FER1L6: variants seen among roughly 807,000 people sequenced by gnomAD.
The protein encoded by FER1L6 is fer-1-like protein 6.
In FER1L6, 177 loss-of-function variants were observed where a neutral mutation model predicts 219.2. The ratio of observed to expected loss-of-function variants is 0.81; its 90% CI spans 0.71 to 0.91. The LOEUF (loss-of-function observed/expected upper bound fraction) is 0.91. FER1L6 is among the 40% of genes least tolerant of loss of function. FER1L6 has a pLI of 0.00. For missense variants in FER1L6, 2,153 were observed against 2,259.9 expected (o/e 0.95, Z 0.96); for synonymous variants, 768 against 824.3 (o/e 0.93, Z 1.17).
At chr8:123,936,925 T>C (rs1009750895) in intron 1 of FER1L6, among the ~76,000 whole-genome samples, 1 of 152,168 alleles carries the variant, frequency 6.6e-6, no homozygotes, top group Admixed American at 6.5e-5. Flanking sequence ...TTTTTTGTGA[T>C]GTGGAGTGTC....
intron 17 of FER1L6, among the ~76,000 whole-genome samples, chr8:124,022,299 G>T (rs942614040): frequency 6.6e-6 from 1 of 152,258 alleles, no homozygotes; most frequent in African/African-American, 2.4e-5. Flanking sequence ...GCACTCAGAA[G>T]AGAGAAGGGA....
intron 31 of FER1L6, among the ~76,000 whole-genome samples, chr8:124,073,361 A>G (rs1326791992): frequency 6.6e-6 from 1 of 152,350 alleles, no homozygotes; most frequent in East Asian, 1.9e-4. Context: ...ACAAACAGGG[A>G]GTCAGAAGAT....
chr8:123,917,806 T>A (rs1339362642), intron 1 of FER1L6, among the ~76,000 whole-genome samples: 2 of 152,230 alleles, frequency 1.3e-5, no homozygotes, highest in South Asian at 4.1e-4. Context: ...ATAACCTACT[T>A]TTCCTCCGAA....
intron 1 of FER1L6, among the ~76,000 whole-genome samples, chr8:123,890,137 G>A (rs1035025680): frequency 6.6e-6 from 1 of 152,048 alleles, no homozygotes; most frequent in Non-Finnish European, 1.5e-5. Context: ...ATAAATGTTT[G>A]CATTTCTTTG....
At chr8:124,046,914 T>A (rs1819765095) in intron 21 of FER1L6, 1 of 152,222 alleles carries the variant, frequency 6.6e-6, no homozygotes, top group Admixed American at 6.5e-5. Flanking sequence ...TACATCCACA[T>A]TCTAGCCCTC....
At chr8:123,967,422 G>A (rs1815598395) in intron 5 of FER1L6, among the ~76,000 whole-genome samples, 1 of 152,160 alleles carries the variant, frequency 6.6e-6, no homozygotes, top group African/African-American at 2.4e-5. Context: ...GCCTTGATAT[G>A]CCATAATATA....
At chr8:124,046,111 G>A in intron 21 of FER1L6, 3 of 502,084 alleles carry the variant, frequency 6.0e-6, no homozygotes, top group Non-Finnish European at 1.0e-5. Context: ...GTTTTTCACT[G>A]ACTTCCATTT....
At chr8:124,094,768 T>C in intron 34 of FER1L6, 128 bp from the exon 35 acceptor site, 1 of 1,050,496 alleles carries the variant, frequency 9.5e-7, no homozygotes, top group Non-Finnish European at 1.4e-6. Context: ...ATTACAGGTG[T>C]GAACCACTGC....
intron 1 of FER1L6, among the ~76,000 whole-genome samples, chr8:123,923,942 A>G (rs1210814376): frequency 5.0e-4 from 16 of 31,934 alleles, no homozygotes; most frequent in African/African-American, 2.5e-3. Context: ...TCCAACTAAG[A>G]AAAAAAAAAA....
chr8:123,977,918 AGGT>A (rs1234611509), intron 10 of FER1L6, among the ~76,000 whole-genome samples: 3 of 152,208 alleles, frequency 2.0e-5, no homozygotes, highest in Non-Finnish European at 2.9e-5. Flanking sequence ...AGACGGAGCT[AGGT>A]GGTAATACTC....
At chr8:124,034,159 A>AAAAAAAAAAAAAAAAG (rs1819099050) in intron 18 of FER1L6, among the ~76,000 whole-genome samples, 1 of 150,242 alleles carries the variant, frequency 6.7e-6, no homozygotes, top group African/African-American at 2.5e-5. Flanking sequence ...TAAAAAAAAA[A>AAAAAAAAAAAAAAAAG]AAGAAGAAGA....
chr8:123,922,979 C>T (rs536321733), intron 1 of FER1L6, among the ~76,000 whole-genome samples: 11 of 152,150 alleles, frequency 7.2e-5, no homozygotes, highest in African/African-American at 2.2e-4. Context: ...ACAGCCCCCC[C>T]CCAGACCCCC....
At chr8:123,906,692 C>T (rs1281039633) in intron 1 of FER1L6, among the ~76,000 whole-genome samples, 3 of 151,186 alleles carry the variant, frequency 2.0e-5, no homozygotes, top group Non-Finnish European at 4.4e-5. Flanking sequence ...CCCAGCTACT[C>T]AAGAGGCTGA....
In FER1L6 at chr8:124,120,018, C is replaced by G. The variant is rs1443482371; in HGVS notation, c.*228C>G. 2.2e-5 allele frequency: 9 copies of G among 418,306 alleles called. No homozygotes were observed. The highest frequency in any genetic ancestry group is 1.8e-4 in the East Asian group (5 of 28,414). 25.9% of individuals were successfully genotyped at this position (418,306 alleles called of 1,614,324 possible). ...CCCTTGGGCAGCATGAAATAAGGCA[C>G]TTTCACCTCATGGTAATCAACAATG... On this transcript the variant is annotated 3_prime_UTR_variant, in exon 41 of 41. Coordinates refer to ENST00000522917, the MANE Select transcript of FER1L6 (RefSeq NM_001039112.2).
intron 12 of FER1L6, among the ~76,000 whole-genome samples, chr8:124,000,943 A>G (rs74983589): frequency 0.056 from 8,560 of 152,226 alleles, 564 homozygotes; most frequent in African/African-American, 0.16. Flanking sequence ...GGTTAGCTCT[A>G]AGAAGAGAGG....
rs58755373 is a variant in FER1L6 at position 124,015,607 on chromosome 8, A to ATATATATGTATG, written c.1923-2014_1923-2013insGTATGTATATAT. Among the ~76,000 whole-genome samples, 144 of 88,584 alleles carry ATATATATGTATG rather than the reference A, an allele frequency of 1.6e-3. 2 individuals are homozygous for ATATATATGTATG. Among genetic ancestry groups the ATATATATGTATG allele is most frequent in the African/African-American group, 5.1e-3 (119 of 23,246 alleles). 58.1% of individuals were successfully genotyped at this position (88,584 alleles called of 152,430 possible). A position where few individuals can be genotyped will look rare whatever the true frequency, so the allele number is the denominator to read the frequency against. On this transcript the variant is annotated intron_variant, in intron 15 of 40. Transcript: ENST00000522917. ...TATATATATATATATATATATATAT[A>ATATATATGTATG]TATATATATTACTCCTGCTGTGAGC...
chr8:123,899,189 A>G (rs975013780), intron 1 of FER1L6, among the ~76,000 whole-genome samples: 4 of 152,028 alleles, frequency 2.6e-5, no homozygotes, highest in Non-Finnish European at 5.9e-5. Flanking sequence ...TTTTTTGATT[A>G]TGGACATTCT....
chr8:124,011,647 C>CT (rs551341750), intron 14 of FER1L6, among the ~76,000 whole-genome samples: 5,686 of 133,890 alleles, frequency 0.042, 238 homozygotes, highest in African/African-American at 0.1. Context: ...CCATGCCTGA[C>CT]TTTTTTTTTT....
chr8:124,109,524 G>A (rs549222923), intron 39 of FER1L6, among the ~76,000 whole-genome samples: 117 of 152,252 alleles, frequency 7.7e-4, no homozygotes, highest in African/African-American at 2.6e-3. Context: ...GCTGCTTTTC[G>A]TTAAAGAGAA....
Sources: allele counts gnomAD v4.1 joint callset (sites outside exome capture counted in the v4.1 genomes callset), GRCh38; gene constraint gnomAD v4.1.1; transcripts MANE v1.5; gene names NCBI Gene and HGNC (gene_info 2026-07-23, HGNC 2026-07-21).